KCNMA1: variants seen among roughly 807,000 people sequenced by gnomAD.
KCNMA1 encodes the protein potassium calcium-activated channel subfamily M alpha 1.
In KCNMA1, 29 loss-of-function variants were observed where a neutral mutation model predicts 140.0. The observed-to-expected ratio is 0.21, with a 90% CI of 0.15 to 0.28. KCNMA1 has a LOEUF of 0.28. KCNMA1 is among the 10% of genes least tolerant of loss of function. KCNMA1 has a pLI of 1.00. For synonymous variants in KCNMA1, 612 were observed against 611.9 expected (o/e 1.00, Z 0.00); for missense variants, 880 against 1,602.2 (o/e 0.55, Z 7.70).
At chr10:77,502,916 G>C (rs2044434490) in intron 1 of KCNMA1, among the ~76,000 whole-genome samples, 1 of 152,206 alleles carries the variant, frequency 6.6e-6, no homozygotes, top group Non-Finnish European at 1.5e-5. Context: ...AATATCATTA[G>C]TGTATAATCC....
intron 2 of KCNMA1, among the ~76,000 whole-genome samples, chr10:77,261,210 A>G (rs1437780132): frequency 6.6e-6 from 1 of 152,162 alleles, no homozygotes; most frequent in Non-Finnish European, 1.5e-5. Context: ...CTCTTACTAT[A>G]AGTTTACTAT....
At chr10:77,610,739 G>A (rs538277385) in intron 1 of KCNMA1, among the ~76,000 whole-genome samples, 75 of 152,356 alleles carry the variant, frequency 4.9e-4, no homozygotes, top group African/African-American at 1.4e-3. Context: ...AGAGGGAATA[G>A]GGAGTGACTG....
Position 77,108,193 on chromosome 10 carries a change from G to A in KCNMA1, c.1223+288C>T. The A allele has an allele frequency of 9.9e-7, 1 of 1,010,166 alleles. No individual in the cohort carries two copies. The highest frequency in any genetic ancestry group is 1.6e-5 in the African/African-American group (1 of 61,296). The allele number at this position is 1,010,166 out of a possible 1,614,324, so 62.6% of individuals were successfully genotyped here. ...TGGGCCTTCCCTCACAGAAGCACCC[G>A]GTGGGGTTGGGGAGGGGCAGAATTC... On this transcript the variant is annotated intron_variant, in intron 9 of 27. Transcript: ENST00000286628. The surrounding 1 kb of genome is among the most constrained non-coding windows in gnomAD (Gnocchi z 4.6).
rs1370101480 is a variant in KCNMA1, at chr10:76,944,929, T to C, written c.2746A>G (p.Asn916Asp). The change falls in exon 23 of 28, where the codon AAC becomes GAC. Residue 916 changes from asparagine to aspartate, a missense_variant. By Grantham distance (23) the Asn-to-Asp change is conservative (BLOSUM62 1). Coordinates refer to ENST00000286628, the MANE Select transcript of KCNMA1 (RefSeq NM_001161352.2). ...ACGCACATGTCACAGAGGTTGATGT[T>C]GACAGCCCTTAAATCAGCCCGACTT... ...PLSRADLRAV[N>D]INLCDMCVIL... 6.2e-7 allele frequency: 1 copy of C among 1,613,784 alleles called. No individual in the cohort carries two copies. The highest frequency in any genetic ancestry group is 8.5e-7 in the Non-Finnish European group (1 of 1,180,004).
intron 24 of KCNMA1, chr10:76,910,327 T>A (rs2049635486): frequency 2.0e-6 from 1 of 507,320 alleles, no homozygotes; most frequent in African/African-American, 1.9e-5. Flanking sequence ...TCAAGCAGGC[T>A]TGCTCCACGG....
intron 2 of KCNMA1, among the ~76,000 whole-genome samples, chr10:77,255,600 C>CA (rs34987603): frequency 0.19 from 27,804 of 146,770 alleles, 2,801 homozygotes; most frequent in Middle Eastern, 0.26. Flanking sequence ...ACTCTGTCTC[C>CA]AAAAAAAGCA....
chr10:77,456,448 T>C (rs1237495559), intron 1 of KCNMA1, among the ~76,000 whole-genome samples: 6 of 152,208 alleles, frequency 3.9e-5, no homozygotes, highest in African/African-American at 1.4e-4. Flanking sequence ...TAATCAGAAA[T>C]GACCTTGTTG....
intron 2 of KCNMA1, among the ~76,000 whole-genome samples, chr10:77,396,336 CAGAG>C (rs904660549): frequency 1.3e-5 from 2 of 151,496 alleles, no homozygotes; most frequent in Non-Finnish European, 1.5e-5. Flanking sequence ...GAGACAGAGA[CAGAG>C]AGAGAGAGAA....
chr10:77,118,436 C>T (rs1046419426), intron 6 of KCNMA1, among the ~76,000 whole-genome samples: 2 of 152,178 alleles, frequency 1.3e-5, no homozygotes, highest in Non-Finnish European at 1.5e-5. Flanking sequence ...AATTACATGA[C>T]GTTTGCTTCT....
intron 22 of KCNMA1, 97 bp downstream of exon 22, chr10:76,949,045 A>T: frequency 9.8e-7 from 1 of 1,016,298 alleles, no homozygotes; most frequent in South Asian, 1.3e-5. Context: ...ATGAAGAAGC[A>T]CAGGCATGAT....
intron 2 of KCNMA1, among the ~76,000 whole-genome samples, chr10:77,311,415 A>C (rs2154344346): frequency 6.6e-6 from 1 of 152,218 alleles, no homozygotes; most frequent in African/African-American, 2.4e-5. Flanking sequence ...TCTCGGCACC[A>C]GGGAAGGACA....
chr10:77,328,540 C>T (rs1001282179), intron 2 of KCNMA1, among the ~76,000 whole-genome samples: 2 of 152,194 alleles, frequency 1.3e-5, no homozygotes, highest in Non-Finnish European at 2.9e-5. Context: ...AGAACACAGG[C>T]GTAGCTTAAC....
chr10:77,004,749 C>G (rs572494995), intron 18 of KCNMA1, among the ~76,000 whole-genome samples: 15 of 152,306 alleles, frequency 9.8e-5, no homozygotes, highest in Non-Finnish European at 1.6e-4. Flanking sequence ...TCTCAACTCT[C>G]TCTGGCTTCC....
intron 1 of KCNMA1, among the ~76,000 whole-genome samples, chr10:77,442,232 G>A (rs1027060453): frequency 3.3e-5 from 5 of 152,106 alleles, no homozygotes; most frequent in East Asian, 1.9e-4. Flanking sequence ...ATTCCCAGGC[G>A]AGAGCAGCCA....
At chr10:77,572,569 C>CATATGTATATATATATAT (rs2071893896) in intron 1 of KCNMA1, among the ~76,000 whole-genome samples, 1 of 37,568 alleles carries the variant, frequency 2.7e-5, no homozygotes, top group Admixed American at 4.7e-4. Context: ...AAAAAAAATC[C>CATATGTATATATATATAT]ATATATATAT....
intron 1 of KCNMA1, among the ~76,000 whole-genome samples, chr10:77,482,228 G>A (rs1354707036): frequency 6.6e-6 from 1 of 152,262 alleles, no homozygotes. Context: ...AGCTGGCCAA[G>A]GAGGCCAGAG....
intron 19 of KCNMA1, among the ~76,000 whole-genome samples, chr10:76,982,941 T>A (rs1416864932): frequency 2.6e-5 from 4 of 152,170 alleles, no homozygotes; most frequent in Non-Finnish European, 5.9e-5. Context: ...AAAATAAAGT[T>A]ATCTAATGCC....
intron 1 of KCNMA1, among the ~76,000 whole-genome samples, chr10:77,545,170 C>A (rs2061146586): frequency 6.6e-6 from 1 of 152,214 alleles, no homozygotes. Flanking sequence ...TCCGGAAAAT[C>A]TCCTAAGAGG....
At chr10:77,446,416 C>T (rs903900357) in intron 1 of KCNMA1, among the ~76,000 whole-genome samples, 19 of 152,188 alleles carry the variant, frequency 1.2e-4, no homozygotes, top group Non-Finnish European at 2.6e-4. Flanking sequence ...CCTCTCCAAG[C>T]TTGGGAGTTA....
Sources: allele counts gnomAD v4.1 joint callset (sites outside exome capture counted in the v4.1 genomes callset), GRCh38; gene constraint gnomAD v4.1.1; non-coding constraint Gnocchi (gnomAD v3.1); transcripts MANE v1.5; gene names NCBI Gene and HGNC (gene_info 2026-07-23, HGNC 2026-07-21).